PCDH15: variants seen among roughly 807,000 people sequenced by gnomAD.
The protein encoded by PCDH15 is protocadherin-15.
A neutral mutation model predicts 178.5 loss-of-function variants in PCDH15; 129 were observed. The ratio of observed to expected loss-of-function variants is 0.72; its 90% CI spans 0.63 to 0.84. The LOEUF (loss-of-function observed/expected upper bound fraction) is 0.84. PCDH15 is among the 40% of genes least tolerant of loss of function. The pLI is 0.00. For missense variants in PCDH15, 2,230 were observed against 2,099.9 expected (o/e 1.06, Z -1.21); for synonymous variants, 800 against 732.0 (o/e 1.09, Z -1.50).
chr10:54,865,874 A>G (rs1278837801), intron 3 of PCDH15, among the ~76,000 whole-genome samples: 1 of 152,220 alleles, frequency 6.6e-6, no homozygotes, highest in Non-Finnish European at 1.5e-5. Flanking sequence ...TGAAATAATC[A>G]ATTAGGAATA....
Position 54,826,019 on chromosome 10 carries a change from T to G in PCDH15, c.-29+71431A>C, listed in dbSNP as rs73252100. On this transcript the variant is annotated intron_variant, in intron 3 of 5. Coordinates refer to the PCDH15 transcript ENST00000458638. Reference sequence around the variant, plus strand: ...ATTTTTCAGTCAGTATTCCAAACTTTCTGATAAAAATTTTAATTCCATTGT... The same window carrying G: ...ATTTTTCAGTCAGTATTCCAAACTTGCTGATAAAAATTTTAATTCCATTGT... Among the ~76,000 whole-genome samples, 561 of 152,224 alleles carry G rather than the reference T, an allele frequency of 3.7e-3. 1 individual carries two copies. The highest frequency in any genetic ancestry group is 0.013 in the African/African-American group (539 of 41,574).
intron 3 of PCDH15, among the ~76,000 whole-genome samples, chr10:54,427,556 GCGTGA>G (rs1956443563): frequency 2.0e-5 from 3 of 151,898 alleles, no homozygotes; most frequent in Admixed American, 6.6e-5. Context: ...GGGATTACAG[GCGTGA>G]GCCACCATGC....
At chr10:54,617,502 C>T (rs2093206522) in intron 2 of PCDH15, among the ~76,000 whole-genome samples, 1 of 151,822 alleles carries the variant, frequency 6.6e-6, no homozygotes, top group South Asian at 2.1e-4. Context: ...GTCTTCTATA[C>T]AGCTAAAATT....
chr10:54,622,592 A>C (rs57549679), intron 2 of PCDH15, among the ~76,000 whole-genome samples: 1 of 46,180 alleles, frequency 2.2e-5, no homozygotes, highest in South Asian at 5.6e-4. Flanking sequence ...TAATATATAT[A>C]ATATATAATA....
intron 2 of PCDH15, among the ~76,000 whole-genome samples, chr10:55,579,119 A>T (rs1842555181): frequency 6.6e-6 from 1 of 152,240 alleles, no homozygotes; most frequent in Non-Finnish European, 1.5e-5. Context: ...TTAATTTAAT[A>T]ACAATTTTTT....
At chr10:55,492,186 T>C (rs946932221) in intron 2 of PCDH15, among the ~76,000 whole-genome samples, 1 of 151,626 alleles carries the variant, frequency 6.6e-6, no homozygotes. Flanking sequence ...CAAGGGAATC[T>C]ATAAGCTTTT....
chr10:54,697,813 GA>G (rs1565971706), intron 1 of PCDH15, among the ~76,000 whole-genome samples: 1 of 151,714 alleles, frequency 6.6e-6, no homozygotes, highest in African/African-American at 2.4e-5. Flanking sequence ...AAAAGAAAAA[GA>G]AAAGAAAAAA....
chr10:53,963,088 A>G (rs1279159206), intron 21 of PCDH15, among the ~76,000 whole-genome samples: 1 of 152,164 alleles, frequency 6.6e-6, no homozygotes, highest in Non-Finnish European at 1.5e-5. Context: ...CAGGGTGTTG[A>G]TTTGGCTGGA....
At chr10:55,370,151 C>T (rs1490119926) in intron 2 of PCDH15, among the ~76,000 whole-genome samples, 1 of 152,080 alleles carries the variant, frequency 6.6e-6, no homozygotes, top group Non-Finnish European at 1.5e-5. Flanking sequence ...TTAAGCTTCT[C>T]ATTGTCTGTT....
intron 13 of PCDH15, among the ~76,000 whole-genome samples, chr10:54,170,400 G>A (rs187420369): frequency 2.6e-4 from 39 of 152,018 alleles, no homozygotes; most frequent in Non-Finnish European, 4.9e-4. Context: ...TCATGTCTGC[G>A]TGCAGTGGCT....
At chr10:53,932,340 G>C (rs536189525) in intron 25 of PCDH15, among the ~76,000 whole-genome samples, 1 of 152,308 alleles carries the variant, frequency 6.6e-6, no homozygotes, top group South Asian at 2.1e-4. Flanking sequence ...GCAAAGAACA[G>C]TCACAGGCTC....
At chr10:55,118,869 C>T (rs945184678) in intron 2 of PCDH15, among the ~76,000 whole-genome samples, 4 of 152,122 alleles carry the variant, frequency 2.6e-5, no homozygotes, top group Admixed American at 6.5e-5. Flanking sequence ...CTTCAGGTGA[C>T]GACACTTATA....
Position 54,752,506 on chromosome 10 carries a change from CAAAA to C in PCDH15, c.-29+48415_-29+48418del, listed in dbSNP as rs1249514541. On this transcript the variant is annotated intron_variant, in intron 1 of 37. Coordinates refer to ENST00000644397, the MANE Select transcript of PCDH15 (RefSeq NM_001384140.1). ...AAAAAAAAAAACAAAAAACAAAAAA[CAAAA>C]AACAAACAAACAAACAAACAAAAAA... Among the ~76,000 whole-genome samples the C allele has an allele frequency of 6.0e-4, 32 of 53,242 alleles. 7 individuals carry two copies. Among genetic ancestry groups the C allele is most frequent in the Middle Eastern group, 0.015 (1 of 66 alleles). The allele number at this position is 53,242 out of a possible 152,430, so 34.9% of individuals were successfully genotyped here. A position where few individuals can be genotyped will look rare whatever the true frequency, so the allele number is the denominator to read the frequency against.
At chr10:53,966,766 G>C (rs534061995) in intron 21 of PCDH15, among the ~76,000 whole-genome samples, 7 of 151,214 alleles carry the variant, frequency 4.6e-5, no homozygotes, top group Non-Finnish European at 7.4e-5. Context: ...AGATATGATC[G>C]AAGTATTCTA....
intron 1 of PCDH15, among the ~76,000 whole-genome samples, chr10:55,252,686 G>C (rs1446859399): frequency 6.6e-6 from 1 of 152,008 alleles, no homozygotes; most frequent in African/African-American, 2.4e-5. Flanking sequence ...GGGGGGTAAA[G>C]TGATAAAAAC....
intron 2 of PCDH15, among the ~76,000 whole-genome samples, chr10:55,601,327 A>G (rs2132144862): frequency 6.6e-6 from 1 of 152,326 alleles, no homozygotes; most frequent in Admixed American, 6.5e-5. Flanking sequence ...TTACAGGAAG[A>G]AAGTATGGTA....
At chr10:55,459,478 A>T (rs369378157) in intron 2 of PCDH15, among the ~76,000 whole-genome samples, 47 of 152,256 alleles carry the variant, frequency 3.1e-4, no homozygotes, top group African/African-American at 9.9e-4. Flanking sequence ...TTTGAATTTT[A>T]TCTGGAGAGA....
At position 54,763,286 on chromosome 10, in the gene PCDH15, G is replaced by C. The variant is rs530693248; in HGVS notation, c.-29+37639C>G. ...TGGAAAACAGTGAGATGTCATATAT[G>C]TGTGCAAAGCCAGAACACATTTCAC... On this transcript the variant is annotated intron_variant, in intron 1 of 37. Transcript: ENST00000644397. Among the ~76,000 whole-genome samples, 16 of 152,240 alleles carry C rather than the reference G, an allele frequency of 1.1e-4. No homozygotes were observed. In the South Asian group the frequency reaches 3.3e-3, roughly 32 times the overall value.
intron 15 of PCDH15, among the ~76,000 whole-genome samples, chr10:54,109,550 A>G (rs1457473716): frequency 2.0e-5 from 3 of 152,162 alleles, no homozygotes; most frequent in Non-Finnish European, 4.4e-5. Flanking sequence ...TCATCAAATT[A>G]AGGGAAATAA....
Sources: allele counts gnomAD v4.1 joint callset (sites outside exome capture counted in the v4.1 genomes callset), GRCh38; gene constraint gnomAD v4.1.1; transcripts MANE v1.5; gene names NCBI Gene and HGNC (gene_info 2026-07-23, HGNC 2026-07-21).